TMEM161B: variants seen among roughly 807,000 people sequenced by gnomAD.
TMEM161B encodes transmembrane protein 161B.
In TMEM161B, 34 loss-of-function variants were observed where a neutral mutation model predicts 61.8. The ratio of observed to expected loss-of-function variants is 0.55; its 90% confidence interval spans 0.42 to 0.73. The LOEUF is 0.73. Among genes scored for constraint, TMEM161B ranks in the 30% least tolerant of loss-of-function variants. TMEM161B has a pLI of 0.00. For synonymous variants in TMEM161B, 167 were observed against 192.8 expected (o/e 0.87, Z 1.11); for missense variants, 456 against 558.5 (o/e 0.82, Z 1.85).
At chr5:88,229,543 T>A (rs1400525513) in intron 2 of TMEM161B, among the ~76,000 whole-genome samples, 1 of 151,192 alleles carries the variant, frequency 6.6e-6, no homozygotes, top group African/African-American at 2.4e-5. Flanking sequence ...TATTTTTCCG[T>A]AATACAAATC....
chr5:88,267,716 G>C (rs1756582278), intron 1 of TMEM161B, among the ~76,000 whole-genome samples: 1 of 152,212 alleles, frequency 6.6e-6, no homozygotes, highest in East Asian at 1.9e-4. Flanking sequence ...GTAGAACTTA[G>C]ATAAGACTAA....
Position 88,195,912 on chromosome 5 carries a change from T to A in TMEM161B, c.*299A>T. On this transcript the variant is annotated 3_prime_UTR_variant, in exon 12 of 12. Transcript: ENST00000296595. Reference sequence around the variant, plus strand: ...GAGATGTTTCAAAGACTGCTGGAGGTTTCTGTAAACCAGGGTAATCAGAAA... The same window carrying A: ...GAGATGTTTCAAAGACTGCTGGAGGATTCTGTAAACCAGGGTAATCAGAAA... 1 of 1,103,496 alleles carries A rather than the reference T, an allele frequency of 9.1e-7. No individual in the cohort carries two copies. Among genetic ancestry groups the A allele is most frequent in the Non-Finnish European group, 1.1e-6 (1 of 904,820 alleles). The allele number at this position is 1,103,496 out of a possible 1,614,324, so 68.4% of individuals were successfully genotyped here. A position where few individuals can be genotyped will look rare whatever the true frequency, so the allele number is the denominator to read the frequency against.
chr5:88,230,178 C>G (rs1441534470), intron 2 of TMEM161B, among the ~76,000 whole-genome samples: 1 of 151,774 alleles, frequency 6.6e-6, no homozygotes, highest in Admixed American at 6.6e-5. Flanking sequence ...AAAGTAAGAC[C>G]CTATCTCAAA....
downstream of TMEM161B, among the ~76,000 whole-genome samples, chr5:88,191,815 G>A (rs11749458): frequency 4.5e-3 from 682 of 150,954 alleles, 1 homozygote; most frequent in South Asian, 9.5e-3. Context: ...AAATTAGCTG[G>A]TCATGGTGGC....
rs1744885991 is a variant in TMEM161B at position 88,203,779 on chromosome 5, AT to A, written c.801-705del. Among the ~76,000 whole-genome samples, 76 of 12,332 alleles carry A rather than the reference AT, an allele frequency of 6.2e-3. 3 individuals are homozygous for A. The highest frequency in any genetic ancestry group is 0.01 in the South Asian group (5 of 480). The allele number at this position is 12,332 out of a possible 152,430, so 8.1% of individuals were successfully genotyped here. ...TATATATATATATATATATATATAT[AT>A]ATATATATATATATATATATATATA... On this transcript the variant is annotated intron_variant, in intron 8 of 11. Transcript: ENST00000296595.
chr5:88,215,245 T>C (rs1279636980), intron 5 of TMEM161B, among the ~76,000 whole-genome samples: 1 of 152,164 alleles, frequency 6.6e-6, no homozygotes, highest in Admixed American at 6.5e-5. Context: ...GTGTAATCAA[T>C]GCAGACACGT....
intron 2 of TMEM161B, among the ~76,000 whole-genome samples, chr5:88,237,860 T>C (rs1752114982): frequency 6.6e-6 from 1 of 152,114 alleles, no homozygotes. Context: ...AAAAGCTGCT[T>C]ATTCCTTCAA....
intron 1 of TMEM161B, among the ~76,000 whole-genome samples, chr5:88,253,264 T>G (rs886459716): frequency 6.6e-6 from 1 of 152,166 alleles, no homozygotes; most frequent in Non-Finnish European, 1.5e-5. Flanking sequence ...TCATCGTATG[T>G]GGATTTTATC....
chr5:88,261,446 T>C (rs1022156966), intron 1 of TMEM161B, among the ~76,000 whole-genome samples: 5 of 151,860 alleles, frequency 3.3e-5, no homozygotes, highest in African/African-American at 7.3e-5. Flanking sequence ...TAAGGTTAAT[T>C]TGAAGAGGCA....
chr5:88,242,513 A>T (rs974515335), intron 1 of TMEM161B, among the ~76,000 whole-genome samples: 1 of 145,022 alleles, frequency 6.9e-6, no homozygotes, highest in Non-Finnish European at 1.5e-5. Flanking sequence ...AAAAAACAGT[A>T]TGCCTATTGG....
At chr5:88,208,482 C>CA (rs796541470) in intron 5 of TMEM161B, among the ~76,000 whole-genome samples, 3,209 of 114,814 alleles carry the variant, frequency 0.028, 116 homozygotes, top group African/African-American at 0.1. Flanking sequence ...ACTCCGTCTC[C>CA]AAAAAAAAAA....
intron 5 of TMEM161B, among the ~76,000 whole-genome samples, chr5:88,208,015 C>A (rs1745874260): frequency 6.6e-6 from 1 of 152,130 alleles, no homozygotes; most frequent in African/African-American, 2.4e-5. Flanking sequence ...TGCTACTTTA[C>A]AGACATTTTA....
At chr5:88,206,334 C>G (rs1745459431) in intron 7 of TMEM161B, 105 bp downstream of exon 7, 1 of 949,024 alleles carries the variant, frequency 1.1e-6, no homozygotes, top group African/African-American at 1.7e-5. Context: ...GACAGTCCAA[C>G]TTAAAACTCT....
chr5:88,262,906 A>C (rs1033921025), intron 1 of TMEM161B, among the ~76,000 whole-genome samples: 2 of 152,186 alleles, frequency 1.3e-5, no homozygotes, highest in Non-Finnish European at 2.9e-5. Context: ...CTCTTTAAAA[A>C]GTCTGCAAAA....
chr5:88,228,836 A>G (rs1002844021), intron 2 of TMEM161B, among the ~76,000 whole-genome samples: 2 of 152,182 alleles, frequency 1.3e-5, no homozygotes. Flanking sequence ...AAGTAAATAA[A>G]GTGAAGTCTG....
intron 5 of TMEM161B, among the ~76,000 whole-genome samples, chr5:88,211,242 T>C (rs1352759371): frequency 6.6e-6 from 1 of 151,804 alleles, no homozygotes; most frequent in East Asian, 1.9e-4. Flanking sequence ...TTTGGGTATA[T>C]AACTATACAT....
At position 88,268,767 on chromosome 5, in the gene TMEM161B, G is replaced by A; in HGVS notation, c.-44C>T. 6.2e-7 allele frequency: 1 copy of A among 1,613,866 alleles called. No homozygotes were observed. The highest frequency in any genetic ancestry group is 8.5e-7 in the Non-Finnish European group (1 of 1,179,868). The stretch of plus-strand genomic sequence containing the variant: ...TGGACCAGACACCCTGGAGTTGCCG[G>A]GGCAGTCCCAAACCTCTTACCTCCC... On this transcript the variant is annotated 5_prime_UTR_variant, in exon 1 of 12. Transcript: ENST00000296595.
intron 5 of TMEM161B, among the ~76,000 whole-genome samples, chr5:88,212,917 CAT>C (rs1747096981): frequency 6.6e-6 from 1 of 152,218 alleles, no homozygotes; most frequent in Non-Finnish European, 1.5e-5. Context: ...AAGGAATAAA[CAT>C]AGAGATTTCT....
At chr5:88,212,773 G>A (rs747736681) in intron 5 of TMEM161B, among the ~76,000 whole-genome samples, 68 of 152,180 alleles carry the variant, frequency 4.5e-4, no homozygotes, top group Non-Finnish European at 9.0e-4. Context: ...AGGCTGCAAC[G>A]AGTCAAGACC....
Sources: gnomAD v4.1 joint callset for allele counts (sites outside exome capture counted in the v4.1 genomes callset) on GRCh38, gnomAD v4.1.1 for gene constraint, MANE v1.5 for transcripts, NCBI Gene and HGNC (gene_info 2026-07-23, HGNC 2026-07-21) for gene names.